CDC14A: variants seen among roughly 807,000 people sequenced by gnomAD.
CDC14A encodes the protein dual specificity protein phosphatase CDC14A.
CDC14A carries 53 observed loss-of-function variants against 74.4 expected under a neutral mutation model. The observed-to-expected ratio is 0.71, with a 90% CI of 0.57 to 0.89. The LOEUF is 0.89. Among genes scored for constraint, CDC14A ranks in the 40% least tolerant of loss-of-function variants. The pLI is 0.00. For missense variants in CDC14A, 646 were observed against 713.7 expected, an observed-to-expected ratio of 0.91 and a Z score of 1.08; for synonymous variants, 247 against 258.4, an observed-to-expected ratio of 0.96 and a Z score of 0.43.
intron 4 of CDC14A, among the ~76,000 whole-genome samples, chr1:100,401,190 C>CT (rs575680738): frequency 1.3e-5 from 2 of 151,988 alleles, no homozygotes; most frequent in South Asian, 2.1e-4. Flanking sequence ...AGGGGATGTA[C>CT]TTTTTTTTAG....
At chr1:100,478,153 T>A (rs1669107469) in intron 10 of CDC14A, among the ~76,000 whole-genome samples, 1 of 152,214 alleles carries the variant, frequency 6.6e-6, no homozygotes, top group African/African-American at 2.4e-5. Context: ...AATACCATTC[T>A]GAATCCCAAA....
intron 11 of CDC14A, among the ~76,000 whole-genome samples, chr1:100,491,565 TATA>T (rs1413979670): frequency 4.6e-4 from 40 of 87,562 alleles, no homozygotes; most frequent in African/African-American, 2.0e-3. Context: ...TATATATATA[TATA>T]TATATTTTTT....
At chr1:100,423,102 T>C (rs1662556254) in intron 4 of CDC14A, among the ~76,000 whole-genome samples, 2 of 152,172 alleles carry the variant, frequency 1.3e-5, no homozygotes, top group African/African-American at 4.8e-5. Flanking sequence ...ATTAAAAAAT[T>C]AAATTGCTCT....
intron 11 of CDC14A, among the ~76,000 whole-genome samples, chr1:100,488,534 C>T (rs656579): frequency 0.86 from 130,215 of 152,236 alleles, 58,962 homozygotes; most frequent in Non-Finnish European, 1. Flanking sequence ...TAACCATTCC[C>T]TACTAATAAA....
At chr1:100,503,865 G>A (rs909167184) in intron 15 of CDC14A, among the ~76,000 whole-genome samples, 3 of 152,174 alleles carry the variant, frequency 2.0e-5, no homozygotes, top group African/African-American at 7.2e-5. Flanking sequence ...TTGAATATTT[G>A]CTATGCTTTA....
chr1:100,423,236 A>G (rs772170438), intron 4 of CDC14A, among the ~76,000 whole-genome samples: 6 of 151,962 alleles, frequency 3.9e-5, no homozygotes, highest in Non-Finnish European at 8.8e-5. Context: ...TTTTCCTCCA[A>G]CTTACCAAGC....
intron 15 of CDC14A, chr1:100,504,752 G>A: frequency 7.9e-7 from 1 of 1,272,720 alleles, no homozygotes; most frequent in Non-Finnish European, 1.1e-6. Context: ...CTGCATTTCT[G>A]TAGTATTGTA....
chr1:100,439,628 C>T (rs1483889614), intron 5 of CDC14A, among the ~76,000 whole-genome samples: 1 of 152,174 alleles, frequency 6.6e-6, no homozygotes, highest in African/African-American at 2.4e-5. Flanking sequence ...GACCAAGATT[C>T]AGCATAGAGG....
rs1651958566 is a variant in CDC14A at position 100,356,780 on chromosome 1, G to T, written c.140+2928G>T. On this transcript the variant is annotated intron_variant, in intron 2 of 15. Transcript: ENST00000336454. ...GAGGCAGGAGAATTGCTTGAACCAGGACCTGGTAGGTGGAGGTTGCAGTGA... is the reference window on the plus strand; with the variant it reads ...GAGGCAGGAGAATTGCTTGAACCAGTACCTGGTAGGTGGAGGTTGCAGTGA... Among the ~76,000 whole-genome samples, 3 of 149,436 alleles carry T rather than the reference G, an allele frequency of 2.0e-5. No homozygotes were observed. In the South Asian group the frequency reaches 6.3e-4, roughly 31 times the overall value.
At chr1:100,413,798 TAATCAC>T (rs1431401637) in intron 4 of CDC14A, among the ~76,000 whole-genome samples, 1 of 152,216 alleles carries the variant, frequency 6.6e-6, no homozygotes, top group Non-Finnish European at 1.5e-5. Context: ...AAATCAGCTG[TAATCAC>T]AATGCCAAAT....
rs181191458 is a variant in CDC14A at position 100,391,795 on chromosome 1, G to T, written c.309+971G>T. 4.9e-3 allele frequency among the ~76,000 whole-genome samples: 746 copies of T among 152,338 alleles called. 26 individuals are homozygous for T. Among genetic ancestry groups the T allele is most frequent in the Admixed American group, 0.044 (675 of 15,310 alleles). ...TGGAAAAGCTGTCAGCTATTGCAGG[G>T]TGCAGGCTGAGAAGAGTGGCAGACT... On this transcript the variant is annotated intron_variant, in intron 4 of 15. Coordinates refer to ENST00000336454, the MANE Select transcript of CDC14A (RefSeq NM_003672.4).
chr1:100,516,670 A>G (rs181514145), intron 15 of CDC14A, among the ~76,000 whole-genome samples: 2 of 152,260 alleles, frequency 1.3e-5, no homozygotes, highest in Admixed American at 1.3e-4. Context: ...AAAAGCAGGT[A>G]GAAAAATGTT....
intron 3 of CDC14A, among the ~76,000 whole-genome samples, chr1:100,386,165 TAA>T (rs559078931): frequency 7.1e-6 from 1 of 140,668 alleles, no homozygotes; most frequent in Non-Finnish European, 1.6e-5. Flanking sequence ...AGATAGTATT[TAA>T]AAAAAAAAAA....
intron 2 of CDC14A, among the ~76,000 whole-genome samples, chr1:100,357,100 G>A (rs1222493878): frequency 6.6e-6 from 1 of 152,036 alleles, no homozygotes; most frequent in Non-Finnish European, 1.5e-5. Context: ...ATTGGCTTTG[G>A]TGGGAAGATC....
At chr1:100,472,602 C>T (rs1668497293) in intron 10 of CDC14A, among the ~76,000 whole-genome samples, 1 of 151,798 alleles carries the variant, frequency 6.6e-6, no homozygotes, top group Non-Finnish European at 1.5e-5. Flanking sequence ...CCTTTTATCA[C>T]TTTTTTCTTT....
chr1:100,451,415 A>C (rs2101163741), intron 7 of CDC14A, among the ~76,000 whole-genome samples: 1 of 152,342 alleles, frequency 6.6e-6, no homozygotes, highest in East Asian at 1.9e-4. Flanking sequence ...CCTCAAAAGC[A>C]AGTCTAAATT....
intron 3 of CDC14A, among the ~76,000 whole-genome samples, chr1:100,389,810 T>C (rs997918564): frequency 1.3e-5 from 2 of 152,194 alleles, no homozygotes; most frequent in Admixed American, 1.3e-4. Context: ...TGTACTTTTG[T>C]GCCTGTGTTT....
At chr1:100,352,397 A>G, upstream of CDC14A, 3 of 926,612 alleles carry the variant, frequency 3.2e-6, no homozygotes, top group Non-Finnish European at 3.9e-6. Context: ...CGGAGTCGTG[A>G]AAGTGGAGGG....
At chr1:100,468,230 G>T in intron 10 of CDC14A, 136 bp downstream of exon 10, 1 of 939,148 alleles carries the variant, frequency 1.1e-6, no homozygotes, top group Non-Finnish European at 1.6e-6. Flanking sequence ...GCCTCTAATA[G>T]AATATTGTTG....
Sources: gnomAD v4.1 joint callset for allele counts (sites outside exome capture counted in the v4.1 genomes callset) on GRCh38, gnomAD v4.1.1 for gene constraint, MANE v1.5 for transcripts, NCBI Gene and HGNC (gene_info 2026-07-23, HGNC 2026-07-21) for gene names.